MEIS1: variants seen among roughly 807,000 people sequenced by gnomAD.
MEIS1 encodes homeobox protein Meis1.
MEIS1 carries 5 observed loss-of-function variants against 50.8 expected under a neutral mutation model. That is an observed-to-expected ratio of 0.10 (90% CI 0.05 to 0.21). The LOEUF is 0.21. MEIS1 is among the 10% of genes least tolerant of loss of function. MEIS1 has a pLI of 1.00. For synonymous variants in MEIS1, 176 were observed against 179.3 expected, an observed-to-expected ratio of 0.98 and a Z score of 0.15; for missense variants, 318 against 517.3, an observed-to-expected ratio of 0.61 and a Z score of 3.74.
chr2:66,440,993 G>A (rs1671965216), intron 4 of MEIS1: 1 of 334,276 alleles, frequency 3.0e-6, no homozygotes, highest in South Asian at 7.6e-5. Context: ...CAAACAACCA[G>A]TTTGCCTGAA....
At chr2:66,566,760 A>G (rs1009375868) in intron 9 of MEIS1, among the ~76,000 whole-genome samples, 2 of 149,388 alleles carry the variant, frequency 1.3e-5, no homozygotes, top group Admixed American at 1.3e-4. Context: ...TATAAGTTCA[A>G]TTACTGTATA....
At chr2:66,500,691 C>T (rs13011267) in intron 7 of MEIS1, among the ~76,000 whole-genome samples, 9,614 of 152,226 alleles carry the variant, frequency 0.063, 444 homozygotes, top group East Asian at 0.15. Context: ...TCCAAAAGTG[C>T]TGGGATTACA....
At chr2:66,512,978 G>T (rs1673870620) in intron 8 of MEIS1, among the ~76,000 whole-genome samples, 2 of 152,162 alleles carry the variant, frequency 1.3e-5, no homozygotes, top group African/African-American at 4.8e-5. Context: ...AGAAACTGGA[G>T]ATTTGGGGCT....
intron 7 of MEIS1, among the ~76,000 whole-genome samples, chr2:66,508,632 C>T (rs1460754290): frequency 6.6e-6 from 1 of 152,232 alleles, no homozygotes; most frequent in Non-Finnish European, 1.5e-5. Context: ...AGTCACTGGC[C>T]TGCTAGTTAA....
At chr2:66,559,820 C>T (rs1417513649) in intron 9 of MEIS1, among the ~76,000 whole-genome samples, 2 of 151,640 alleles carry the variant, frequency 1.3e-5, no homozygotes, top group African/African-American at 4.9e-5. Flanking sequence ...AAATATAAAC[C>T]CTGTCTCATT....
At chr2:66,462,434 C>T (rs1436741581) in intron 6 of MEIS1, among the ~76,000 whole-genome samples, 2 of 152,194 alleles carry the variant, frequency 1.3e-5, no homozygotes, top group East Asian at 3.9e-4. Flanking sequence ...ACAGTTAATG[C>T]AATAGTTTGC....
At chr2:66,531,470 A>C (rs1472306569) in intron 8 of MEIS1, among the ~76,000 whole-genome samples, 1 of 152,228 alleles carries the variant, frequency 6.6e-6, no homozygotes, top group African/African-American at 2.4e-5. Context: ...TAGTCCTTCA[A>C]ACATGTATTA....
At chr2:66,456,395 C>T (rs1007712309) in intron 6 of MEIS1, among the ~76,000 whole-genome samples, 26 of 151,968 alleles carry the variant, frequency 1.7e-4, no homozygotes, top group African/African-American at 5.1e-4. Flanking sequence ...GAGTGCAAGA[C>T]GTAAGAGATG....
intron 9 of MEIS1, among the ~76,000 whole-genome samples, chr2:66,556,938 G>C (rs571647505): frequency 1.3e-5 from 2 of 151,924 alleles, no homozygotes; most frequent in African/African-American, 2.4e-5. Flanking sequence ...GCGCAGAGAG[G>C]GGGTAGCGGG....
chr2:66,533,708 T>G (rs942737053), intron 8 of MEIS1, among the ~76,000 whole-genome samples: 4 of 152,144 alleles, frequency 2.6e-5, no homozygotes, highest in Non-Finnish European at 5.9e-5. Flanking sequence ...TCATAAATTG[T>G]GCAGGGCTTC....
intron 7 of MEIS1, among the ~76,000 whole-genome samples, chr2:66,499,274 T>G (rs1302568184): frequency 6.6e-6 from 1 of 152,230 alleles, no homozygotes; most frequent in Non-Finnish European, 1.5e-5. Flanking sequence ...ATTTAATATC[T>G]GTTCTCCCCA....
chr2:66,435,554 C>G lies in MEIS1; in HGVS notation c.-303C>G. On this transcript the variant is annotated 5_prime_UTR_variant, in exon 1 of 13. Coordinates refer to ENST00000272369, the MANE Select transcript of MEIS1 (RefSeq NM_002398.3). ...CTCTTTTTTTTCCTTTTCTTTCTTT[C>G]TTTCTTTTTTTTTTTTTAAACTGAT... is the stretch of plus-strand genomic sequence containing the variant. 1.3e-4 allele frequency: 46 copies of G among 367,904 alleles called. No homozygotes were observed. In the Middle Eastern group the frequency reaches 2.1e-3, roughly 17 times the overall value. The allele number at this position is 367,904 out of a possible 1,614,324, so 22.8% of individuals were successfully genotyped here. A position where few individuals can be genotyped will look rare whatever the true frequency, so the allele number is the denominator to read the frequency against.
intron 7 of MEIS1, among the ~76,000 whole-genome samples, chr2:66,489,776 C>T (rs1673230410): frequency 6.6e-6 from 1 of 152,190 alleles, no homozygotes; most frequent in African/African-American, 2.4e-5. Context: ...AAGCAAATTT[C>T]TCCTCAGTAA....
chr2:66,509,971 G>A (rs905723174), intron 7 of MEIS1, among the ~76,000 whole-genome samples: 2 of 152,128 alleles, frequency 1.3e-5, no homozygotes, highest in Non-Finnish European at 2.9e-5. Flanking sequence ...GGATAAAAAG[G>A]CTATTTTTTT....
intron 7 of MEIS1, among the ~76,000 whole-genome samples, chr2:66,475,567 G>A (rs1427356806): frequency 2.0e-5 from 3 of 151,986 alleles, no homozygotes; most frequent in Admixed American, 2.0e-4. Context: ...TATTAATTTG[G>A]CCCTGAGCTT....
chr2:66,543,404 G>A (rs1031176667), intron 8 of MEIS1, among the ~76,000 whole-genome samples: 11 of 152,130 alleles, frequency 7.2e-5, no homozygotes, highest in African/African-American at 2.7e-4. Context: ...AGGTGTTGAC[G>A]ATTGAAATAA....
intron 8 of MEIS1, among the ~76,000 whole-genome samples, chr2:66,529,043 T>G (rs559257520): frequency 6.6e-6 from 1 of 152,206 alleles, no homozygotes; most frequent in South Asian, 2.1e-4. Flanking sequence ...TGACCCCTTC[T>G]CTACTTGACA....
intron 7 of MEIS1, among the ~76,000 whole-genome samples, chr2:66,492,901 G>A (rs140247974): frequency 9.5e-4 from 144 of 152,136 alleles, no homozygotes; most frequent in African/African-American, 3.4e-3. Flanking sequence ...ACACATCTGG[G>A]GCCTGTTACT....
At chr2:66,501,510 C>G (rs1295669398) in intron 7 of MEIS1, among the ~76,000 whole-genome samples, 1 of 147,084 alleles carries the variant, frequency 6.8e-6, no homozygotes, top group Non-Finnish European at 1.5e-5. Context: ...TTTTTTCTTT[C>G]CTATTCATCA....
Sources: gnomAD v4.1 joint callset for allele counts (sites outside exome capture counted in the v4.1 genomes callset) on GRCh38, gnomAD v4.1.1 for gene constraint, MANE v1.5 for transcripts, NCBI Gene and HGNC (gene_info 2026-07-23, HGNC 2026-07-21) for gene names.